The following FRAS1 variants were observed in gnomAD, a reference collection of about 807,000 sequenced individuals.
The protein encoded by FRAS1 is extracellular matrix organizing protein FRAS1.
In FRAS1, 290 loss-of-function variants were observed where a neutral mutation model predicts 435.2. The observed-to-expected ratio is 0.67, with a 90% CI of 0.61 to 0.73. FRAS1 has a LOEUF of 0.73. Ranked by LOEUF, FRAS1 falls within the 30% of genes least tolerant of loss-of-function variation. FRAS1 has a pLI of 0.00. For synonymous variants in FRAS1, 1,800 were observed against 1,851.0 expected, an observed-to-expected ratio of 0.97 and a Z score of 0.71; for missense variants, 4,860 against 5,001.5, an observed-to-expected ratio of 0.97 and a Z score of 0.85.
At chr4:78,191,469 G>A (rs1057171037) in intron 2 of FRAS1, among the ~76,000 whole-genome samples, 3 of 151,236 alleles carry the variant, frequency 2.0e-5, no homozygotes, top group Non-Finnish European at 2.9e-5. Flanking sequence ...TTACAGTAAC[G>A]TGAAAAAATG....
chr4:78,311,891 C>T (rs1009462648), intron 15 of FRAS1, among the ~76,000 whole-genome samples: 6 of 152,100 alleles, frequency 3.9e-5, no homozygotes, highest in African/African-American at 1.2e-4. Context: ...TCCCATTGCT[C>T]TATTGGCCTT....
In FRAS1 at chr4:78,331,560, A is replaced by G. The variant is rs76135440; in HGVS notation, c.2138-1712A>G. ...GCTCCATATATATATTAAAGATTCT[A>G]TGTTACATCTTATTAGGGGTTGGTG... On this transcript the variant is annotated intron_variant, in intron 18 of 73. Transcript: ENST00000512123. 3.4e-3 allele frequency among the ~76,000 whole-genome samples: 512 copies of G among 151,646 alleles called. 3 individuals carry two copies. Among genetic ancestry groups the G allele is most frequent in the African/African-American group, 0.012 (476 of 40,962 alleles).
chr4:78,291,849 C>T lies in FRAS1; in HGVS notation c.1534+5310C>T, dbSNP rs186143374. ...TGCTGTATGGTCTCAGATTTTGAGA[C>T]GTAAAGAATCAAACAACTGAACATT... On this transcript the variant is annotated intron_variant, in intron 14 of 73. Transcript: ENST00000512123. Among the ~76,000 whole-genome samples the T allele has an allele frequency of 3.9e-4, 59 of 152,178 alleles. No individual in the cohort carries two copies. In the Middle Eastern group the frequency reaches 0.01, roughly 26 times the overall value.
At chr4:78,140,682 T>TAC (rs200872250) in intron 2 of FRAS1, among the ~76,000 whole-genome samples, 14 of 139,714 alleles carry the variant, frequency 1.0e-4, no homozygotes, top group African/African-American at 2.3e-4. Context: ...TATATGTATA[T>TAC]GCATATACAT....
chr4:78,309,189 C>T (rs1728914885), intron 15 of FRAS1, among the ~76,000 whole-genome samples: 1 of 152,178 alleles, frequency 6.6e-6, no homozygotes, highest in Non-Finnish European at 1.5e-5. Flanking sequence ...AAACAGATTC[C>T]ACCCCTGGAG....
intron 47 of FRAS1, among the ~76,000 whole-genome samples, chr4:78,463,454 T>C: frequency 6.6e-6 from 1 of 152,154 alleles, no homozygotes; most frequent in East Asian, 1.9e-4. Context: ...CCTGACTGGC[T>C]AAAGTGGGAT....
intron 38 of FRAS1, among the ~76,000 whole-genome samples, chr4:78,432,993 G>A (rs538112261): frequency 6.6e-6 from 1 of 152,302 alleles, no homozygotes; most frequent in Admixed American, 6.5e-5. Context: ...ATGTTTCACA[G>A]CCCCTGAGAG....
intron 2 of FRAS1, among the ~76,000 whole-genome samples, chr4:78,164,204 G>A (rs1721250898): frequency 6.6e-6 from 1 of 152,188 alleles, no homozygotes; most frequent in Non-Finnish European, 1.5e-5. Flanking sequence ...TAGGCAGGAA[G>A]GGAACCGTTT....
At chr4:78,100,061 A>G (rs1306353143) in intron 2 of FRAS1, among the ~76,000 whole-genome samples, 1 of 152,214 alleles carries the variant, frequency 6.6e-6, no homozygotes, top group Admixed American at 6.5e-5. Context: ...AATGAAGATG[A>G]TAATATCCAT....
chr4:78,517,214 C>T (rs1483442893), intron 66 of FRAS1, among the ~76,000 whole-genome samples: 6 of 152,186 alleles, frequency 3.9e-5, no homozygotes, highest in African/African-American at 1.4e-4. Flanking sequence ...TGGTGCCTCT[C>T]AGCCTGGTTT....
intron 2 of FRAS1, among the ~76,000 whole-genome samples, chr4:78,157,836 T>C (rs532903673): frequency 3.3e-5 from 5 of 151,014 alleles, no homozygotes; most frequent in South Asian, 4.2e-4. Flanking sequence ...CATTTATCAA[T>C]TTTTGTTTTT....
chr4:78,447,855 CTTCT>C (rs1718901527), intron 43 of FRAS1, among the ~76,000 whole-genome samples, 194 bp from the exon 44 acceptor site: 1 of 152,002 alleles, frequency 6.6e-6, no homozygotes. Context: ...GGGACTTTGT[CTTCT>C]TTATTTGTGT....
chr4:78,413,365 A>T (rs1733426937), intron 32 of FRAS1, among the ~76,000 whole-genome samples: 1 of 152,154 alleles, frequency 6.6e-6, no homozygotes, highest in Non-Finnish European at 1.5e-5. Context: ...CTCCTTGAAA[A>T]TTTGGAGGAA....
At position 78,067,387 on chromosome 4, in the gene FRAS1, A is replaced by C. The variant is rs556203658; in HGVS notation, c.108+1371A>C. 4.6e-5 allele frequency among the ~76,000 whole-genome samples: 7 copies of C among 152,310 alleles called. No homozygotes were observed. The East Asian group carries it at 9.6e-4, about 21-fold the overall frequency. On this transcript the variant is annotated intron_variant, in intron 2 of 73. Transcript: ENST00000512123. Reference sequence around the variant, plus strand: ...AAAAAAAGTGGCTAGACCATCTTCTATATTTAACTTTGCTATGTGTTATTG... The same window carrying C: ...AAAAAAAGTGGCTAGACCATCTTCTCTATTTAACTTTGCTATGTGTTATTG...
chr4:78,224,743 G>T lies in FRAS1; in HGVS notation c.109-12767G>T, dbSNP rs995027887. ...GATAGGGTCTCACTATGTTGCCCAGGCTGGTTTCAAACTCCTGGGCCCAAG... is the reference window on the plus strand; with the variant it reads ...GATAGGGTCTCACTATGTTGCCCAGTCTGGTTTCAAACTCCTGGGCCCAAG... On this transcript the variant is annotated intron_variant, in intron 2 of 73. Transcript: ENST00000512123. Among the ~76,000 whole-genome samples the T allele has an allele frequency of 4.6e-5, 7 of 152,116 alleles. No individual in the cohort carries two copies. In the South Asian group the frequency reaches 1.5e-3, roughly 32 times the overall value.
rs1720933360 is a variant in FRAS1 at position 78,508,846 on chromosome 4, C to T, written c.9620C>T (p.Pro3207Leu). Residue 3207 changes from proline (P) to leucine (L), a missense_variant, in exon 63 of 74, where the codon CCC becomes CTC. Physicochemically the swap from Pro to Leu is moderately conservative, Grantham distance 98. Coordinates refer to ENST00000512123, the MANE Select transcript of FRAS1 (RefSeq NM_025074.7). ...GTCACCCCCTGCGACCCTCATTTCC[C>T]CAGATACGCTGTCATGAAGGAGCGC... is the stretch of plus-strand genomic sequence containing the variant. Reference protein sequence around the residue: ...VCVTPCDPHFPRYAVMKERCS... With the variant: ...VCVTPCDPHFLRYAVMKERCS... The T allele has an allele frequency of 6.2e-7, 1 of 1,613,748 alleles. No individual in the cohort carries two copies. Among genetic ancestry groups the T allele is most frequent in the African/African-American group, 1.3e-5 (1 of 74,934 alleles).
chr4:78,343,101 A>G (rs1366796768), intron 20 of FRAS1, among the ~76,000 whole-genome samples: 1 of 152,198 alleles, frequency 6.6e-6, no homozygotes, highest in African/African-American at 2.4e-5. Context: ...CCTCCTGGCC[A>G]GATAAATTTG....
At position 78,451,826 on chromosome 4, in the gene FRAS1, A is replaced by C; in HGVS notation, c.6518A>C (p.Lys2173Thr). 6.2e-7 allele frequency: 1 copy of C among 1,613,276 alleles called. No homozygotes were observed. Among genetic ancestry groups the C allele is most frequent in the Non-Finnish European group, 8.5e-7 (1 of 1,179,420 alleles). The change falls in exon 46 of 74, where the codon AAA becomes ACA. Residue 2173 changes from lysine (K) to threonine (T), a missense_variant. Physicochemically the swap from Lys to Thr is moderately conservative, Grantham distance 78. Coordinates refer to ENST00000512123, the MANE Select transcript of FRAS1 (RefSeq NM_025074.7). Reference protein sequence around the residue: ...TGEPGGSFAFKFDVVDGEGNR... With the variant: ...TGEPGGSFAFTFDVVDGEGNR... ...GAACCTGGAGGGAGCTTTGCTTTTA[A>C]ATTTGATGTGGTTGATGGAGAAGGC...
intron 3 of FRAS1, among the ~76,000 whole-genome samples, chr4:78,239,710 T>C (rs1258287902): frequency 6.6e-6 from 1 of 152,206 alleles, no homozygotes; most frequent in Non-Finnish European, 1.5e-5. Context: ...TATATGTATA[T>C]ATCTGAGAGA....
Sources: allele counts gnomAD v4.1 joint callset (sites outside exome capture counted in the v4.1 genomes callset), GRCh38; gene constraint gnomAD v4.1.1; transcripts MANE v1.5; gene names NCBI Gene and HGNC (gene_info 2026-07-23, HGNC 2026-07-21).